Variants in EYS observed in about 807,000 individuals in gnomAD.
EYS encodes protein eyes shut homolog.
Under a neutral mutation model 282.1 loss-of-function variants are expected in EYS, and 250 were observed. The ratio of observed to expected loss-of-function variants is 0.89; its 90% CI spans 0.80 to 0.98. The LOEUF (loss-of-function observed/expected upper bound fraction) is 0.98, where lower values mean the gene tolerates loss of function less well. Ranked by LOEUF, EYS falls within the 50% of genes least tolerant of loss-of-function variation. The pLI is 0.00. For missense variants in EYS, 4,016 were observed against 3,709.0 expected, an observed-to-expected ratio of 1.08 and a Z score of -2.15; for synonymous variants, 1,355 against 1,282.9, an observed-to-expected ratio of 1.06 and a Z score of -1.20.
At chr6:63,899,187 T>C (rs1245808193) in intron 35 of EYS, among the ~76,000 whole-genome samples, 2 of 152,198 alleles carry the variant, frequency 1.3e-5, no homozygotes, top group African/African-American at 2.4e-5. Context: ...CCTCTAAACA[T>C]GAAGATAATT....
chr6:65,277,906 T>C (rs1462188440), intron 12 of EYS, among the ~76,000 whole-genome samples: 1 of 152,226 alleles, frequency 6.6e-6, no homozygotes, highest in Non-Finnish European at 1.5e-5. Flanking sequence ...TCAATTTTAC[T>C]GGGCCACATG....
At position 65,164,023 on chromosome 6, in the gene EYS, C is replaced by T. The variant is rs564424560; in HGVS notation, c.2024-106296G>A. On this transcript the variant is annotated intron_variant, in intron 12 of 42. Transcript: ENST00000503581. ...TTTCCCCATATTATTATAATACAGA[C>T]AGCAGCCCCTCCTGACTCTAGCTTA... Among the ~76,000 whole-genome samples the T allele has an allele frequency of 2.6e-5, 4 of 151,276 alleles. No homozygotes were observed. In the Admixed American group the frequency reaches 2.6e-4, roughly 10 times the overall value.
intron 35 of EYS, among the ~76,000 whole-genome samples, chr6:63,973,161 C>T (rs529400586): frequency 2.5e-4 from 38 of 152,186 alleles, no homozygotes; most frequent in African/African-American, 8.7e-4. Flanking sequence ...AAGTAATTTA[C>T]ACTTCCACCA....
intron 8 of EYS, among the ~76,000 whole-genome samples, chr6:65,369,438 G>A (rs1765054135): frequency 6.7e-6 from 1 of 150,178 alleles, no homozygotes; most frequent in Non-Finnish European, 1.5e-5. Flanking sequence ...GCATCTAACT[G>A]TCAGACGCAA....
intron 1 of EYS, among the ~76,000 whole-genome samples, chr6:65,651,413 A>G (rs768822733): frequency 5.9e-5 from 9 of 152,096 alleles, no homozygotes; most frequent in Non-Finnish European, 1.3e-4. Context: ...CAATGTTTAT[A>G]TTAATTCAAT....
At chr6:64,925,538 A>G (rs932393086) in intron 15 of EYS, among the ~76,000 whole-genome samples, 2 of 152,180 alleles carry the variant, frequency 1.3e-5, no homozygotes, top group Non-Finnish European at 2.9e-5. Context: ...CAGAGGTCAT[A>G]TGAGGCTACC....
At chr6:65,282,685 TCA>T (rs1388432874) in intron 12 of EYS, among the ~76,000 whole-genome samples, 1 of 151,996 alleles carries the variant, frequency 6.6e-6, no homozygotes, top group Non-Finnish European at 1.5e-5. Flanking sequence ...ATAATTGATG[TCA>T]CAGATATTAA....
At position 64,658,736 on chromosome 6, in the gene EYS, C is replaced by T. The variant is rs542794599; in HGVS notation, c.3444-32491G>A. 1.6e-4 allele frequency among the ~76,000 whole-genome samples: 24 copies of T among 152,250 alleles called. No individual in the cohort carries two copies. The South Asian group carries it at 2.5e-3, about 16-fold the overall frequency. ...GGAAGTCTTGTCTCAGAGGAGTACCCGGCCATGTGAGGTGTCAGTCTGCCC... is the reference window on the plus strand; with the variant it reads ...GGAAGTCTTGTCTCAGAGGAGTACCTGGCCATGTGAGGTGTCAGTCTGCCC... On this transcript the variant is annotated intron_variant, in intron 22 of 42. Coordinates refer to ENST00000503581, the MANE Select transcript of EYS (RefSeq NM_001142800.2).
intron 31 of EYS, among the ~76,000 whole-genome samples, chr6:64,213,279 A>G (rs1031761540): frequency 7.4e-6 from 1 of 135,806 alleles, no homozygotes; most frequent in Admixed American, 7.5e-5. Flanking sequence ...TAGCAAATAC[A>G]TATAAAAAAA....
chr6:65,140,992 G>A (rs1304736447), intron 12 of EYS, among the ~76,000 whole-genome samples: 1 of 151,720 alleles, frequency 6.6e-6, no homozygotes, highest in Non-Finnish European at 1.5e-5. Flanking sequence ...CCATTACTGG[G>A]TATAGACCCA....
At chr6:63,791,601 A>G (rs542861394) in intron 37 of EYS, among the ~76,000 whole-genome samples, 27 of 151,490 alleles carry the variant, frequency 1.8e-4, no homozygotes, top group African/African-American at 5.3e-4. Flanking sequence ...AAAAAAGAAG[A>G]AGAACTGCTG....
chr6:64,178,266 ATCTTC>A (rs1764692167), intron 31 of EYS, among the ~76,000 whole-genome samples: 1 of 152,200 alleles, frequency 6.6e-6, no homozygotes, highest in East Asian at 1.9e-4. Context: ...AAAATTAGGG[ATCTTC>A]AATAAAAAGG....
chr6:64,830,427 T>C (rs1472814534), intron 19 of EYS, among the ~76,000 whole-genome samples: 5 of 151,952 alleles, frequency 3.3e-5, no homozygotes, highest in Non-Finnish European at 4.4e-5. Context: ...ATTAAGGTGA[T>C]CTACTGAGCA....
chr6:64,451,710 A>G (rs1440474520), intron 26 of EYS, among the ~76,000 whole-genome samples: 1 of 152,170 alleles, frequency 6.6e-6, no homozygotes, highest in Non-Finnish European at 1.5e-5. Flanking sequence ...TCAACATACG[A>G]AAATCAATAA....
At chr6:64,527,227 G>A (rs192446304) in intron 26 of EYS, among the ~76,000 whole-genome samples, 212 of 151,834 alleles carry the variant, frequency 1.4e-3, no homozygotes, top group African/African-American at 4.9e-3. Flanking sequence ...TTTAATGAGA[G>A]CTCCTGGGCT....
intron 36 of EYS, among the ~76,000 whole-genome samples, chr6:63,849,296 GAAGAGAGCAGC>G (rs1326902036): frequency 6.6e-6 from 1 of 152,210 alleles, no homozygotes; most frequent in Non-Finnish European, 1.5e-5. Context: ...TGCTGGCTCT[GAAGAGAGCAGC>G]AGATCTCCCA....
intron 13 of EYS, among the ~76,000 whole-genome samples, chr6:65,001,592 G>C (rs1771469543): frequency 6.8e-6 from 1 of 147,956 alleles, no homozygotes; most frequent in South Asian, 2.2e-4. Context: ...AGGAATGCCT[G>C]TTCTCATTTA....
At chr6:64,957,358 T>G (rs1583330486) in intron 14 of EYS, among the ~76,000 whole-genome samples, 1 of 152,226 alleles carries the variant, frequency 6.6e-6, no homozygotes, top group East Asian at 1.9e-4. Flanking sequence ...CTCACTTAGT[T>G]GTGAGACCTA....
At chr6:63,810,479 C>G (rs114043759) in intron 36 of EYS, among the ~76,000 whole-genome samples, 293 of 152,228 alleles carry the variant, frequency 1.9e-3, no homozygotes, top group African/African-American at 6.5e-3. Context: ...TGAAGCCCAC[C>G]GGCTGGTAGT....
Sources: gnomAD v4.1 joint callset for allele counts (sites outside exome capture counted in the v4.1 genomes callset) on GRCh38, gnomAD v4.1.1 for gene constraint, MANE v1.5 for transcripts, NCBI Gene and HGNC (gene_info 2026-07-23, HGNC 2026-07-21) for gene names.